XIRP2: variants seen among roughly 807,000 people sequenced by gnomAD.
The protein encoded by XIRP2 is xin actin-binding repeat-containing protein 2.
Under a neutral mutation model 277.0 loss-of-function variants are expected in XIRP2, and 236 were observed. That is an observed-to-expected ratio of 0.85 (90% confidence interval 0.77 to 0.95). The LOEUF (loss-of-function observed/expected upper bound fraction) is 0.95, where lower values mean the gene tolerates loss of function less well. Among genes scored for constraint, XIRP2 ranks in the 40% least tolerant of loss-of-function variants. The probability of loss-of-function intolerance (pLI) is 0.00; values close to 1 mark genes in which losing one functional copy is unlikely to be tolerated. For synonymous variants in XIRP2, 1,490 were observed against 1,416.5 expected (o/e 1.05, Z -1.17); for missense variants, 4,640 against 4,157.5 (o/e 1.12, Z -3.19).
chr2:166,962,939 G>A (rs1022010875), intron 2 of XIRP2, among the ~76,000 whole-genome samples: 3 of 151,622 alleles, frequency 2.0e-5, no homozygotes, highest in Non-Finnish European at 4.4e-5. Context: ...AAGTTTTAGT[G>A]TTCTGTAGCA....
intron 3 of XIRP2, among the ~76,000 whole-genome samples, chr2:167,168,516 G>T (rs1047716456): frequency 6.6e-5 from 10 of 152,126 alleles, no homozygotes; most frequent in African/African-American, 1.9e-4. Context: ...GCTGTATTCA[G>T]TCTATTAATA....
intron 2 of XIRP2, among the ~76,000 whole-genome samples, chr2:166,964,848 C>T (rs1686388687): frequency 2.0e-5 from 3 of 151,794 alleles, no homozygotes; most frequent in Admixed American, 2.0e-4. Context: ...TTCTGATCTA[C>T]AGCTTGCCTA....
intron 3 of XIRP2, among the ~76,000 whole-genome samples, chr2:167,184,099 A>G (rs1166814737): frequency 2.0e-5 from 3 of 151,676 alleles, no homozygotes; most frequent in Non-Finnish European, 2.9e-5. Context: ...GCTGTGTTTG[A>G]ATATACTCAA....
At chr2:166,960,553 T>G (rs1221238320) in intron 2 of XIRP2, among the ~76,000 whole-genome samples, 4 of 151,740 alleles carry the variant, frequency 2.6e-5, no homozygotes, top group African/African-American at 9.7e-5. Flanking sequence ...TACACCACTC[T>G]TGAAAGGACA....
intron 2 of XIRP2, among the ~76,000 whole-genome samples, chr2:166,996,390 G>A (rs917231178): frequency 6.6e-6 from 1 of 152,164 alleles, no homozygotes; most frequent in African/African-American, 2.4e-5. Context: ...CAGCACTTTG[G>A]GTGGCCGAGG....
chr2:167,238,646 A>C (rs1694967967), intron 5 of XIRP2, among the ~76,000 whole-genome samples: 1 of 152,288 alleles, frequency 6.6e-6, no homozygotes, highest in South Asian at 2.1e-4. Context: ...ATACTATTTT[A>C]ATTAATAATG....
At chr2:167,192,820 G>C (rs1693387333) in intron 3 of XIRP2, among the ~76,000 whole-genome samples, 1 of 152,130 alleles carries the variant, frequency 6.6e-6, no homozygotes, top group Admixed American at 6.6e-5. Context: ...AAAAGCAACT[G>C]GCAGCAATCA....
In XIRP2 at chr2:167,258,075, G is replaced by A. The variant is rs534872111; in HGVS notation, c.*258G>A. ...GAAAACACCCTTGTACCTGGAGATCGTAATGAACATTTAGATGCTGGTAAC... is the reference window on the plus strand; with the variant it reads ...GAAAACACCCTTGTACCTGGAGATCATAATGAACATTTAGATGCTGGTAAC... On this transcript the variant is annotated 3_prime_UTR_variant, in exon 11 of 11. Coordinates refer to ENST00000409195, the MANE Select transcript of XIRP2 (RefSeq NM_152381.6). 33 of 1,612,962 alleles carry A rather than the reference G, an allele frequency of 2.0e-5. No individual in the cohort carries two copies. Among genetic ancestry groups the A allele is most frequent in the South Asian group, 7.7e-5 (7 of 91,000 alleles).
intron 2 of XIRP2, among the ~76,000 whole-genome samples, chr2:167,078,569 G>A (rs1689638965): frequency 6.6e-6 from 1 of 152,122 alleles, no homozygotes; most frequent in Non-Finnish European, 1.5e-5. Context: ...GGGAGTGGTG[G>A]CTCACGCCTG....
intron 2 of XIRP2, among the ~76,000 whole-genome samples, chr2:167,002,540 A>G (rs1332322196): frequency 2.0e-5 from 3 of 152,008 alleles, no homozygotes; most frequent in Admixed American, 6.6e-5. Context: ...ATGGCCAGAC[A>G]TTGTTAATGT....
intron 2 of XIRP2, among the ~76,000 whole-genome samples, chr2:167,010,105 A>G (rs1288272439): frequency 6.6e-6 from 1 of 151,932 alleles, no homozygotes; most frequent in Non-Finnish European, 1.5e-5. Flanking sequence ...TTTTGTTGCC[A>G]TTGCTTTTGG....
intron 3 of XIRP2, among the ~76,000 whole-genome samples, chr2:167,172,071 T>G (rs1170577187): frequency 6.6e-6 from 1 of 152,150 alleles, no homozygotes; most frequent in Non-Finnish European, 1.5e-5. Context: ...ATGTGAGTCC[T>G]TTTCTATTTT....
intron 5 of XIRP2, among the ~76,000 whole-genome samples, chr2:167,222,073 AATCT>A (rs1694450942): frequency 6.6e-6 from 1 of 152,214 alleles, no homozygotes; most frequent in African/African-American, 2.4e-5. Flanking sequence ...TTTGATAATT[AATCT>A]ATCTCTGAGA....
At chr2:167,163,475 A>G (rs75698260) in intron 3 of XIRP2, among the ~76,000 whole-genome samples, 5,748 of 152,292 alleles carry the variant, frequency 0.038, 146 homozygotes, top group South Asian at 0.1. Flanking sequence ...AGAAGTGTCT[A>G]TTCAACTACT....
At chr2:166,940,890 G>T (rs998248823) in intron 2 of XIRP2, among the ~76,000 whole-genome samples, 1 of 152,182 alleles carries the variant, frequency 6.6e-6, no homozygotes, top group East Asian at 1.9e-4. Flanking sequence ...CTACTCGGGG[G>T]TCAGGGACCC....
chr2:167,116,851 A>G (rs1021199064), intron 2 of XIRP2, among the ~76,000 whole-genome samples: 2 of 152,254 alleles, frequency 1.3e-5, no homozygotes, highest in African/African-American at 4.8e-5. Context: ...GAACAGCCAA[A>G]TAACTGTGAA....
chr2:166,968,875 G>A (rs549587712), intron 2 of XIRP2, among the ~76,000 whole-genome samples: 6 of 151,866 alleles, frequency 4.0e-5, no homozygotes, highest in Non-Finnish European at 8.8e-5. Context: ...CTAAATGATA[G>A]GACAATAATA....
intron 2 of XIRP2, among the ~76,000 whole-genome samples, chr2:167,074,471 C>G (rs1025099803): frequency 1.3e-5 from 2 of 151,956 alleles, no homozygotes; most frequent in Non-Finnish European, 2.9e-5. Flanking sequence ...AAAAGTCATT[C>G]CATTTTAAAA....
At chr2:167,204,810 A>T (rs961665346) in intron 3 of XIRP2, among the ~76,000 whole-genome samples, 6 of 151,900 alleles carry the variant, frequency 3.9e-5, no homozygotes, top group Non-Finnish European at 5.9e-5. Context: ...TCTCGCATAA[A>T]TTTTTTTTAC....
Sources: gnomAD v4.1 joint callset for allele counts (sites outside exome capture counted in the v4.1 genomes callset) on GRCh38, gnomAD v4.1.1 for gene constraint, MANE v1.5 for transcripts, NCBI Gene and HGNC (gene_info 2026-07-23, HGNC 2026-07-21) for gene names.